Variants in HMGXB3 observed in about 807,000 individuals in gnomAD.
HMGXB3 encodes HMG-box containing 3, also known as HMG domain-containing protein 3.
Under a neutral mutation model 121.5 loss-of-function variants are expected in HMGXB3, and 45 were observed. The observed-to-expected ratio is 0.37, with a 90% CI of 0.29 to 0.47. The LOEUF (loss-of-function observed/expected upper bound fraction) is 0.47, where lower values mean the gene tolerates loss of function less well. Among genes scored for constraint, HMGXB3 ranks in the 20% least tolerant of loss-of-function variants. The pLI is 0.99. For missense variants in HMGXB3, 1,376 were observed against 1,602.2 expected (o/e 0.86, Z 2.41); for synonymous variants, 590 against 624.1 (o/e 0.95, Z 0.81).
At chr5:150,008,171 C>T (rs910975125) in intron 3 of HMGXB3, among the ~76,000 whole-genome samples, 5 of 151,954 alleles carry the variant, frequency 3.3e-5, no homozygotes, top group Non-Finnish European at 4.4e-5. Context: ...AAACTACACA[C>T]TAATGTAGAT....
chr5:150,031,846 A>G (rs1756389488), intron 10 of HMGXB3, among the ~76,000 whole-genome samples: 1 of 152,180 alleles, frequency 6.6e-6, no homozygotes, highest in Non-Finnish European at 1.5e-5. Flanking sequence ...GACCTGATCC[A>G]TAAGGAGAAT....
At chr5:150,014,588 C>T (rs531140647) in intron 5 of HMGXB3, among the ~76,000 whole-genome samples, 165 of 152,316 alleles carry the variant, frequency 1.1e-3, no homozygotes, top group Non-Finnish European at 1.9e-3. Flanking sequence ...AGCAAGTTCT[C>T]TTACCCAGGT....
chr5:150,047,257 G>T (rs1362507824), intron 16 of HMGXB3, among the ~76,000 whole-genome samples: 1 of 152,134 alleles, frequency 6.6e-6, no homozygotes, highest in Non-Finnish European at 1.5e-5. Flanking sequence ...GTTCAGGAAC[G>T]TTGTGTAGAG....
chr5:150,018,854 C>T (rs1297526402), intron 6 of HMGXB3, among the ~76,000 whole-genome samples, 157 bp downstream of exon 6: 15 of 152,020 alleles, frequency 9.9e-5, no homozygotes. Flanking sequence ...TTAAAAAATA[C>T]AAAAGAAAAA....
At chr5:150,018,314 CACTT>C (rs1310305175) in intron 5 of HMGXB3, among the ~76,000 whole-genome samples, 1 of 152,242 alleles carries the variant, frequency 6.6e-6, no homozygotes, top group Non-Finnish European at 1.5e-5. Context: ...TAGCAACTAT[CACTT>C]TCTTCATTCT....
At chr5:150,001,856 A>G (rs116251868) in intron 1 of HMGXB3, among the ~76,000 whole-genome samples, 2 of 152,140 alleles carry the variant, frequency 1.3e-5, no homozygotes, top group Admixed American at 6.5e-5. Context: ...CCTATATGCC[A>G]TTCATTACAG....
Position 150,027,440 on chromosome 5 carries a change from T to C in HMGXB3, c.1734+323T>C, listed in dbSNP as rs576168565. Among the ~76,000 whole-genome samples the C allele has an allele frequency of 5.9e-4, 90 of 152,346 alleles. No individual in the cohort carries two copies. In the South Asian group the frequency reaches 0.012, roughly 21 times the overall value. ...GCCCATTTTGCTTTATCTTTTATGTTCATGTGTGTCCCCCCACCATATGTG... is the reference window on the plus strand; with the variant it reads ...GCCCATTTTGCTTTATCTTTTATGTCCATGTGTGTCCCCCCACCATATGTG... On this transcript the variant is annotated intron_variant, in intron 9 of 19. Coordinates refer to ENST00000502717, the MANE Select transcript of HMGXB3 (RefSeq NM_014983.3).
intron 3 of HMGXB3, among the ~76,000 whole-genome samples, chr5:150,007,733 C>T (rs1275103290): frequency 6.6e-6 from 1 of 152,062 alleles, no homozygotes; most frequent in Non-Finnish European, 1.5e-5. Context: ...AGCTTATCTA[C>T]TCCCTTTGGT....
intron 11 of HMGXB3, among the ~76,000 whole-genome samples, chr5:150,033,218 G>A (rs943116118): frequency 6.6e-6 from 1 of 152,142 alleles, no homozygotes; most frequent in Non-Finnish European, 1.5e-5. Context: ...GTTTTTTAAA[G>A]TGAACAGAAA....
chr5:150,005,634 A>AAC (rs1755683904), intron 2 of HMGXB3, among the ~76,000 whole-genome samples: 1 of 150,310 alleles, frequency 6.7e-6, no homozygotes, highest in African/African-American at 2.5e-5. Flanking sequence ...AAGAAAAAAA[A>AAC]CACACAAAAA....
At chr5:150,026,649 T>C in intron 7 of HMGXB3, 57 bp from the exon 8 acceptor site, 2 of 1,454,606 alleles carry the variant, frequency 1.4e-6, no homozygotes, top group South Asian at 1.3e-5. Flanking sequence ...GAGATTGCGC[T>C]TTGGTTTTCT....
rs1187820950 is a variant in HMGXB3 at position 150,027,638 on chromosome 5, C to T, written c.1734+521C>T. Among the ~76,000 whole-genome samples, 4 of 152,162 alleles carry T rather than the reference C, an allele frequency of 2.6e-5. No individual in the cohort carries two copies. The East Asian group carries it at 7.7e-4, about 29-fold the overall frequency. On this transcript the variant is annotated intron_variant, in intron 9 of 19. Coordinates refer to ENST00000502717, the MANE Select transcript of HMGXB3 (RefSeq NM_014983.3). ...CAATCTTGGCTCACTGCAACCTCCA[C>T]CTCCTGGGTTCAAGTGGTTCTCCTG...
Position 150,036,688 on chromosome 5 carries a change from C to G in HMGXB3, c.2036C>G (p.Thr679Arg). Residue 679 changes from threonine (T) to arginine (R), a missense_variant, in exon 12 of 20, where the codon ACA (threonine) becomes AGA (arginine). Thr to Arg is a moderately conservative substitution (Grantham distance 71). Transcript: ENST00000502717. Reference sequence around the variant, plus strand: ...CTGAATGCCACAGAGCCCCTGAGCACAGCCCAGAGGGAGATCCAGCGCCAG... The same window carrying G: ...CTGAATGCCACAGAGCCCCTGAGCAGAGCCCAGAGGGAGATCCAGCGCCAG... ...DVLNATEPLS[T>R]AQREIQRQST... 3 of 1,550,934 alleles carry G rather than the reference C, an allele frequency of 1.9e-6. No homozygotes were observed. Among genetic ancestry groups the G allele is most frequent in the Non-Finnish European group, 2.6e-6 (3 of 1,146,960 alleles).
At chr5:150,017,785 T>A (rs1755991218) in intron 5 of HMGXB3, among the ~76,000 whole-genome samples, 1 of 152,182 alleles carries the variant, frequency 6.6e-6, no homozygotes, top group Admixed American at 6.5e-5. Flanking sequence ...GAGAAATGGG[T>A]TTTTTTCCAG....
rs1755543281 is a variant in HMGXB3 at position 150,000,896 on chromosome 5, C to G, written c.-286C>G. 6.5e-6 allele frequency: 1 copy of G among 154,810 alleles called. No homozygotes were observed. The highest frequency in any genetic ancestry group is 1.5e-5 in the Non-Finnish European group (1 of 68,226). 9.6% of individuals were successfully genotyped at this position (154,810 alleles called of 1,614,324 possible). On this transcript the variant is annotated 5_prime_UTR_variant, in exon 1 of 20. Coordinates refer to ENST00000502717, the MANE Select transcript of HMGXB3 (RefSeq NM_014983.3). ...TGCGGAGCGAACCTGTGCTCCTATT[C>G]TTGCCCTTCAGGACCCCATATCGCG...
chr5:150,036,802 A>G lies in HMGXB3; in HGVS notation c.2150A>G (p.Asn717Ser), dbSNP rs1460605921. 1 of 1,551,740 alleles carries G rather than the reference A, an allele frequency of 6.4e-7. No homozygotes were observed. The highest frequency in any genetic ancestry group is 2.4e-5 in the East Asian group (1 of 40,930). ...GTCTTCGCCTTGATTCATGAACTCAACAGCTCTCGACTTATCTTGTCCAAC... is the reference window on the plus strand; with the variant it reads ...GTCTTCGCCTTGATTCATGAACTCAGCAGCTCTCGACTTATCTTGTCCAAC... ...AEVFALIHELNSSRLILSNVS... is the reference protein window; with the variant it reads ...AEVFALIHELSSSRLILSNVS... Residue 717 changes from asparagine to serine, a missense_variant, in exon 12 of 20, where the codon AAC (asparagine) becomes AGC (serine). Coordinates refer to ENST00000502717, the MANE Select transcript of HMGXB3 (RefSeq NM_014983.3).
At chr5:150,028,935 G>A (rs1435205173) in intron 9 of HMGXB3, among the ~76,000 whole-genome samples, 1 of 151,812 alleles carries the variant, frequency 6.6e-6, no homozygotes, top group African/African-American at 2.4e-5. Context: ...CCTTTATATA[G>A]CATATTTTTC....
At chr5:150,028,069 G>A (rs1756275442) in intron 9 of HMGXB3, among the ~76,000 whole-genome samples, 2 of 152,064 alleles carry the variant, frequency 1.3e-5, no homozygotes, top group South Asian at 4.2e-4. Context: ...AGCACAGTTT[G>A]GTTTTATACA....
At chr5:150,004,218 T>TA (rs1755645552) in intron 1 of HMGXB3, among the ~76,000 whole-genome samples, 1 of 152,068 alleles carries the variant, frequency 6.6e-6, no homozygotes. Flanking sequence ...CTTTGAGTCT[T>TA]ATCACTATAA....
Sources: gnomAD v4.1 joint callset for allele counts (sites outside exome capture counted in the v4.1 genomes callset) on GRCh38, gnomAD v4.1.1 for gene constraint, MANE v1.5 for transcripts, NCBI Gene and HGNC (gene_info 2026-07-23, HGNC 2026-07-21) for gene names.